PTPRC: variants seen among roughly 807,000 people sequenced by gnomAD.
PTPRC encodes receptor-type tyrosine-protein phosphatase C.
A neutral mutation model predicts 155.9 loss-of-function variants in PTPRC; 44 were observed. That is an observed-to-expected ratio of 0.28 (90% CI 0.22 to 0.36). PTPRC has a LOEUF of 0.36. PTPRC is among the 10% of genes least tolerant of loss of function. The pLI is 1.00. For synonymous variants in PTPRC, 525 were observed against 533.1 expected (o/e 0.98, Z 0.21); for missense variants, 1,401 against 1,564.6 (o/e 0.90, Z 1.76).
intron 23 of PTPRC, among the ~76,000 whole-genome samples, chr1:198,739,720 A>AC (rs1462736186): frequency 1.3e-5 from 2 of 151,870 alleles, no homozygotes; most frequent in Non-Finnish European, 2.9e-5. Flanking sequence ...TGCATTGTAG[A>AC]CCAAATGAAC....
chr1:198,717,191 A>G (rs1367843700), intron 13 of PTPRC, among the ~76,000 whole-genome samples: 1 of 152,256 alleles, frequency 6.6e-6, no homozygotes, highest in Non-Finnish European at 1.5e-5. Flanking sequence ...TCAGAAACCT[A>G]ACAATGTCTC....
intron 23 of PTPRC, among the ~76,000 whole-genome samples, chr1:198,740,406 C>T (rs554270137): frequency 8.6e-5 from 13 of 151,660 alleles, no homozygotes; most frequent in Admixed American, 1.3e-4. Flanking sequence ...GGTGAAACCC[C>T]GTCTCTACTA....
chr1:198,743,939 G>T, intron 25 of PTPRC, 115 bp from the exon 26 acceptor site: 1 of 1,009,706 alleles, frequency 9.9e-7, no homozygotes, highest in Admixed American at 2.0e-5. Flanking sequence ...AATTTACTTT[G>T]CCATGAATTG....
At chr1:198,719,168 A>G (rs1653752369) in intron 14 of PTPRC, among the ~76,000 whole-genome samples, 1 of 152,120 alleles carries the variant, frequency 6.6e-6, no homozygotes, top group Non-Finnish European at 1.5e-5. Context: ...TATAAAATTT[A>G]CCAAATTGCC....
chr1:198,667,322 G>C (rs777012082), intron 2 of PTPRC, among the ~76,000 whole-genome samples: 2 of 152,182 alleles, frequency 1.3e-5, no homozygotes, highest in Non-Finnish European at 2.9e-5. Flanking sequence ...CATTTAACAA[G>C]GAAGAATGGG....
chr1:198,727,422 G>A (rs1427868291), intron 15 of PTPRC, among the ~76,000 whole-genome samples: 1 of 151,892 alleles, frequency 6.6e-6, no homozygotes, highest in East Asian at 1.9e-4. Context: ...TAAGTACCTA[G>A]AGCTGAGTTT....
At chr1:198,719,608 TTTG>T (rs913428581) in intron 14 of PTPRC, among the ~76,000 whole-genome samples, 12 of 152,048 alleles carry the variant, frequency 7.9e-5, no homozygotes, top group African/African-American at 1.2e-4. Flanking sequence ...GTTTGTTTGT[TTTG>T]TTGTTGTTTT....
intron 12 of PTPRC, among the ~76,000 whole-genome samples, chr1:198,713,391 C>T (rs1267233937): frequency 4.2e-5 from 6 of 141,272 alleles, no homozygotes; most frequent in South Asian, 4.3e-4. Context: ...AGTGATTTGA[C>T]TCACTTTGAA....
intron 26 of PTPRC, among the ~76,000 whole-genome samples, chr1:198,744,838 C>CT (rs1558036229): frequency 6.6e-6 from 1 of 151,694 alleles, no homozygotes; most frequent in Non-Finnish European, 1.5e-5. Flanking sequence ...CTGGTAAATT[C>CT]AGAGTTTCTA....
rs1394814934 is a variant in PTPRC at position 198,699,578 on chromosome 1, C to G, written c.313C>G (p.Gln105Glu). 4 of 1,614,074 alleles carry G rather than the reference C, an allele frequency of 2.5e-6. No homozygotes were observed. Among genetic ancestry groups the G allele is most frequent in the Non-Finnish European group, 3.4e-6 (4 of 1,180,042 alleles). Residue 105 changes from glutamine (Q) to glutamate (E), a missense_variant, in exon 5 of 33, where the codon CAG (glutamine) becomes GAG (glutamate). Coordinates refer to ENST00000442510, the MANE Select transcript of PTPRC (RefSeq NM_002838.5). ...AFNTTGVSSV[Q>E]TPHLPTHADS... Reference sequence around the variant, plus strand: ...TCCTACCTTAGGTGTTTCATCAGTACAGACGCCTCACCTTCCCACGCACGC... The same window carrying G: ...TCCTACCTTAGGTGTTTCATCAGTAGAGACGCCTCACCTTCCCACGCACGC...
chr1:198,663,328 CT>C (rs1410309021), intron 2 of PTPRC, among the ~76,000 whole-genome samples: 1 of 152,152 alleles, frequency 6.6e-6, no homozygotes, highest in Admixed American at 6.5e-5. Flanking sequence ...AACTTTTTAT[CT>C]TTTGAAAAAT....
At chr1:198,720,105 C>G (rs2102451297) in intron 14 of PTPRC, among the ~76,000 whole-genome samples, 1 of 152,232 alleles carries the variant, frequency 6.6e-6, no homozygotes, top group South Asian at 2.1e-4. Context: ...AACCCCTGCT[C>G]TGTCATTGTG....
intron 2 of PTPRC, among the ~76,000 whole-genome samples, chr1:198,688,804 A>G (rs1411230218): frequency 3.3e-5 from 5 of 152,184 alleles, no homozygotes; most frequent in Admixed American, 6.6e-5. Flanking sequence ...TGAAGAGGAA[A>G]GGCTGTAAGG....
chr1:198,686,457 T>C (rs2102348733), intron 2 of PTPRC, among the ~76,000 whole-genome samples: 1 of 152,344 alleles, frequency 6.6e-6, no homozygotes, highest in Non-Finnish European at 1.5e-5. Context: ...AACTGTAATA[T>C]GTGGAACACT....
intron 17 of PTPRC, among the ~76,000 whole-genome samples, 174 bp from the exon 18 acceptor site, chr1:198,731,443 G>A (rs1413519136): frequency 6.6e-6 from 1 of 151,942 alleles, no homozygotes; most frequent in Non-Finnish European, 1.5e-5. Flanking sequence ...GTACAAGATT[G>A]AAAAGTCATT....
chr1:198,692,936 C>G, intron 3 of PTPRC: 3 of 912,164 alleles, frequency 3.3e-6, no homozygotes, highest in Non-Finnish European at 3.9e-6. Flanking sequence ...AGAGATGCTG[C>G]AAATAAATTC....
At chr1:198,642,915 T>G (rs538108839) in intron 2 of PTPRC, among the ~76,000 whole-genome samples, 2 of 138,496 alleles carry the variant, frequency 1.4e-5, no homozygotes, top group African/African-American at 5.4e-5. Context: ...TTCCTTTCTT[T>G]CTTTCTTTCT....
At chr1:198,692,543 TAG>T (rs1366167665) in intron 3 of PTPRC, 170 bp downstream of exon 3, 1 of 1,079,642 alleles carries the variant, frequency 9.3e-7, no homozygotes, top group African/African-American at 1.6e-5. Context: ...TTATACGTTA[TAG>T]AGTTTAATAA....
chr1:198,704,058 TCTGA>T (rs1056359575), intron 7 of PTPRC, among the ~76,000 whole-genome samples: 2 of 152,202 alleles, frequency 1.3e-5, no homozygotes, highest in African/African-American at 2.4e-5. Flanking sequence ...TTGCATTTTC[TCTGA>T]CTTTTTTTTA....
Sources: allele counts gnomAD v4.1 joint callset (sites outside exome capture counted in the v4.1 genomes callset), GRCh38; gene constraint gnomAD v4.1.1; transcripts MANE v1.5; gene names NCBI Gene and HGNC (gene_info 2026-07-23, HGNC 2026-07-21).